CC2D2A: variants seen among roughly 807,000 people sequenced by gnomAD.
CC2D2A encodes coiled-coil and C2 domain containing 2A, also known as coiled-coil and C2 domain-containing protein 2A.
Under a neutral mutation model 212.9 loss-of-function variants are expected in CC2D2A, and 155 were observed. That is an observed-to-expected ratio of 0.73 (90% CI 0.64 to 0.83). CC2D2A has a LOEUF of 0.83. Among genes scored for constraint, CC2D2A ranks in the 40% least tolerant of loss-of-function variants. The probability of loss-of-function intolerance (pLI) is 0.00; values close to 1 mark genes in which losing one functional copy is unlikely to be tolerated. For missense variants in CC2D2A, 1,856 were observed against 1,956.2 expected (o/e 0.95, Z 0.97); for synonymous variants, 667 against 686.5 (o/e 0.97, Z 0.44).
intron 14 of CC2D2A, among the ~76,000 whole-genome samples, chr4:15,536,328 G>A (rs1718129828): frequency 6.6e-6 from 1 of 151,872 alleles, no homozygotes; most frequent in Non-Finnish European, 1.5e-5. Context: ...GGTTGGGGGA[G>A]GGATAGCATT....
intron 29 of CC2D2A, among the ~76,000 whole-genome samples, chr4:15,578,847 G>T (rs1340280309): frequency 1.3e-5 from 2 of 150,938 alleles, no homozygotes; most frequent in Non-Finnish European, 2.9e-5. Flanking sequence ...CCATTATGTT[G>T]CCCAGGCTGG....
At chr4:15,478,935 G>A in intron 3 of CC2D2A, 129 bp downstream of exon 3, 1 of 762,644 alleles carries the variant, frequency 1.3e-6, no homozygotes, top group Non-Finnish European at 2.2e-6. Flanking sequence ...CCTGCTCTGG[G>A]GGGCTGTGAG....
At position 15,540,840 on chromosome 4, in the gene CC2D2A, G is replaced by A. The variant is rs376644970; in HGVS notation, c.2007G>A (p.Ala669=). 75 of 1,596,884 alleles carry A rather than the reference G, an allele frequency of 4.7e-5. No homozygotes were observed. In the African/African-American group the frequency reaches 5.5e-4, roughly 12 times the overall value. The part of the protein sequence containing the change: ...SVTPNDQCPR[A]EVSRREDVKK... The stretch of plus-strand genomic sequence containing the variant: ...TGTGAATGGTCTCCTTTTGCAGAGC[G>A]GAGGTCTCGAGAAGGGAGGATGTAA... Residue 669 remains alanine, a synonymous_variant, in exon 17 of 37, where the codon GCG becomes GCA. Coordinates refer to ENST00000424120, the MANE Select transcript of CC2D2A (RefSeq NM_001378615.1).
intron 13 of CC2D2A, among the ~76,000 whole-genome samples, chr4:15,530,304 A>G (rs1187567602): frequency 2.6e-5 from 4 of 152,160 alleles, no homozygotes; most frequent in East Asian, 1.9e-4. Context: ...TCTTTTTGCA[A>G]TTTAGCTATG....
At chr4:15,553,063 T>A in intron 18 of CC2D2A, 95 bp from the exon 19 acceptor site, 1 of 1,151,974 alleles carries the variant, frequency 8.7e-7, no homozygotes, top group Non-Finnish European at 1.2e-6. Context: ...CCCCACCCAC[T>A]CCAAGTTCCA....
intron 17 of CC2D2A, among the ~76,000 whole-genome samples, chr4:15,547,551 G>T (rs184313068): frequency 6.6e-6 from 1 of 152,022 alleles, no homozygotes; most frequent in African/African-American, 2.4e-5. Context: ...TGAGTGAGAG[G>T]CCAGGGGTGC....
At chr4:15,507,842 TG>T (rs1716349960) in intron 6 of CC2D2A, among the ~76,000 whole-genome samples, 2 of 152,216 alleles carry the variant, frequency 1.3e-5, no homozygotes, top group Admixed American at 1.3e-4. Context: ...CCAAGTGTGT[TG>T]ATGGACTTCA....
intron 32 of CC2D2A, among the ~76,000 whole-genome samples, chr4:15,588,850 T>C (rs970728092): frequency 2.0e-5 from 3 of 152,012 alleles, no homozygotes; most frequent in African/African-American, 7.2e-5. Flanking sequence ...GTTGTGAGCA[T>C]CAAGTGAAAT....
chr4:15,476,443 C>T (rs947803993), intron 2 of CC2D2A, among the ~76,000 whole-genome samples: 12 of 152,208 alleles, frequency 7.9e-5, no homozygotes, highest in African/African-American at 2.4e-4. Flanking sequence ...CAGAGGTATC[C>T]TCAAGCCACA....
In CC2D2A at chr4:15,601,346, T is replaced by C. The variant is rs756272293; in HGVS notation, c.4784T>C (p.Leu1595Ser). ...NIDVPNVEFA[L>S]AVYIHPYPKN... Reference sequence around the variant, plus strand: ...GATGTTCCTAATGTTGAATTTGCTTTAGCTGTATACATACACCCATACCCC... The same window carrying C: ...GATGTTCCTAATGTTGAATTTGCTTCAGCTGTATACATACACCCATACCCC... Residue 1595 changes from leucine to serine, a missense_variant, in exon 37 of 37, where the codon TTA becomes TCA. Physicochemically the swap from Leu to Ser is moderately radical, Grantham distance 145. Coordinates refer to ENST00000424120, the MANE Select transcript of CC2D2A (RefSeq NM_001378615.1). The C allele has an allele frequency of 1.2e-6, 2 of 1,610,166 alleles. No individual in the cohort carries two copies. Among genetic ancestry groups the C allele is most frequent in the Non-Finnish European group, 1.7e-6 (2 of 1,177,760 alleles).
intron 26 of CC2D2A, 58 bp downstream of exon 26, chr4:15,567,844 G>A (rs968573894): frequency 1.6e-6 from 2 of 1,266,234 alleles, no homozygotes; most frequent in Admixed American, 2.9e-5. Flanking sequence ...TGTGAAGAAA[G>A]CAGGCTCATG....
rs373797532 is a variant in CC2D2A, at chr4:15,537,993, G to A, written c.1859G>A (p.Ser620Asn). Residue 620 changes from serine to asparagine, a missense_variant, in exon 16 of 37, where the codon AGC (serine) becomes AAC (asparagine). By Grantham distance (46) the Ser-to-Asn change is conservative. Transcript: ENST00000424120. ...PYPEEDLVKP[S>N]PPEPTDRAVI... ...CCCGAGGAGGACCTTGTGAAGCCCA[G>A]CCCTCCAGAGCCCACTGATCGGGCA... 3.3e-5 allele frequency: 53 copies of A among 1,609,586 alleles called. No individual in the cohort carries two copies. The highest frequency in any genetic ancestry group is 4.3e-5 in the Non-Finnish European group (51 of 1,178,148).
intron 4 of CC2D2A, among the ~76,000 whole-genome samples, chr4:15,482,663 GAGA>G (rs570487274): frequency 1.1e-3 from 164 of 152,274 alleles, no homozygotes; most frequent in African/African-American, 3.7e-3. Flanking sequence ...CAGATTGGGG[GAGA>G]AGGCTTCAAC....
chr4:15,580,175 A>G lies in CC2D2A; in HGVS notation c.3975+4A>G, dbSNP rs944363305. 1.2e-6 allele frequency: 2 copies of G among 1,603,780 alleles called. No individual in the cohort carries two copies. The highest frequency in any genetic ancestry group is 1.7e-6 in the Non-Finnish European group (2 of 1,171,216). On this transcript the variant is annotated splice_donor_region_variant and intron_variant, in intron 30 of 36. Coordinates refer to ENST00000424120, the MANE Select transcript of CC2D2A (RefSeq NM_001378615.1). ...CAATAATCTACAGGCAACTGCAGTAAGTATTTCATAGTCAATAAGTGCTGT... is the reference window on the plus strand; with the variant it reads ...CAATAATCTACAGGCAACTGCAGTAGGTATTTCATAGTCAATAAGTGCTGT...
chr4:15,502,985 C>A, intron 6 of CC2D2A, 62 bp downstream of exon 6: 2 of 1,348,088 alleles, frequency 1.5e-6, no homozygotes, highest in Non-Finnish European at 2.0e-6. Context: ...AAGTTTCCAG[C>A]AAAAGTTTTT....
At chr4:15,597,541 T>C in intron 35 of CC2D2A, 76 bp downstream of exon 35, 3 of 1,116,390 alleles carry the variant, frequency 2.7e-6, no homozygotes, top group Non-Finnish European at 4.0e-6. Context: ...ACTGTCAGCC[T>C]GGATGAATGT....
intron 14 of CC2D2A, among the ~76,000 whole-genome samples, chr4:15,535,851 A>C (rs985473269): frequency 6.6e-5 from 10 of 152,228 alleles, no homozygotes; most frequent in African/African-American, 2.4e-4. Context: ...GAAATAGTGC[A>C]GTCAGTATTC....
chr4:15,577,578 AG>A (rs1392168532), intron 29 of CC2D2A, among the ~76,000 whole-genome samples: 1 of 152,216 alleles, frequency 6.6e-6, no homozygotes, highest in Non-Finnish European at 1.5e-5. Flanking sequence ...CAAGTATTAA[AG>A]ACTAAATGCT....
At chr4:15,516,840 A>T in intron 11 of CC2D2A, 84 bp downstream of exon 11, 1 of 1,341,780 alleles carries the variant, frequency 7.5e-7, no homozygotes, top group Non-Finnish European at 1.0e-6. Context: ...TATATTTATA[A>T]CATTCTACTT....
Sources: gnomAD v4.1 joint callset for allele counts (sites outside exome capture counted in the v4.1 genomes callset) on GRCh38, gnomAD v4.1.1 for gene constraint, MANE v1.5 for transcripts, NCBI Gene and HGNC (gene_info 2026-07-23, HGNC 2026-07-21) for gene names.